GPR3: variants seen among roughly 807,000 people sequenced by gnomAD.
GPR3 encodes the protein G protein-coupled receptor 3.
A neutral mutation model predicts 18.2 loss-of-function variants in GPR3; 16 were observed. The observed-to-expected ratio is 0.88, with a 90% CI of 0.60 to 1.34. The LOEUF (loss-of-function observed/expected upper bound fraction) is 1.34, where lower values mean the gene tolerates loss of function less well. GPR3 is among the 40% of genes most tolerant of loss of function. GPR3 has a pLI of 0.00. For synonymous variants in GPR3, 183 were observed against 188.9 expected, an observed-to-expected ratio of 0.97 and a Z score of 0.26; for missense variants, 326 against 427.6, an observed-to-expected ratio of 0.76 and a Z score of 2.10.
intron 1 of GPR3, 106 bp from the exon 2 acceptor site, chr1:27,393,688 T>C: frequency 3.2e-6 from 3 of 948,648 alleles, no homozygotes; most frequent in Non-Finnish European, 4.8e-6. Flanking sequence ...TCAGGTATCC[T>C]GAGGAGAGAC....
rs1263561821 is a variant in GPR3, at chr1:27,394,612, G to A, written c.814G>A (p.Ala272Thr). The change falls in exon 2 of 2, where the codon GCC (alanine) becomes ACC (threonine). Residue 272 changes from alanine to threonine, a missense_variant. Coordinates refer to ENST00000374024, the MANE Select transcript of GPR3 (RefSeq NM_005281.4). ...CACTGTCTACTGCCTGCTGGGTGAT[G>A]CCCACTCTCCACCTCTCTACACCTA... ...PFTVYCLLGD[A>T]HSPPLYTYLT... 2 of 1,613,922 alleles carry A rather than the reference G, an allele frequency of 1.2e-6. No individual in the cohort carries two copies.
Position 27,395,459 on chromosome 1 carries a change from C to G in GPR3, c.*668C>G, listed in dbSNP as rs564018415. 3 of 167,248 alleles carry G rather than the reference C, an allele frequency of 1.8e-5. No homozygotes were observed. The highest frequency in any genetic ancestry group is 4.4e-5 in the Non-Finnish European group (3 of 68,132). The allele number at this position is 167,248 out of a possible 1,614,324, so 10.4% of individuals were successfully genotyped here. A position where few individuals can be genotyped will look rare whatever the true frequency, so the allele number is the denominator to read the frequency against. On this transcript the variant is annotated 3_prime_UTR_variant, in exon 2 of 2. Transcript: ENST00000374024. ...ACCAGAGCCTTCTCCCCAGGCCTGC[C>G]CTCCTCGGGTTTGGAAGGGGAACAC...
intron 1 of GPR3, among the ~76,000 whole-genome samples, chr1:27,393,172 C>A (rs531392856): frequency 7.0e-6 from 1 of 142,564 alleles, no homozygotes; most frequent in Non-Finnish European, 1.5e-5. Context: ...TGCCCAGAGA[C>A]CTAGAGATTC....
At chr1:27,393,442 C>A (rs78881500) in intron 1 of GPR3, among the ~76,000 whole-genome samples, 1 of 152,130 alleles carries the variant, frequency 6.6e-6, no homozygotes, top group African/African-American at 2.4e-5. Context: ...GTTTCCCTAC[C>A]CCAATCTTGA....
chr1:27,394,863 C>T lies in GPR3; in HGVS notation c.*72C>T, dbSNP rs968572542. On this transcript the variant is annotated 3_prime_UTR_variant, in exon 2 of 2. Coordinates refer to ENST00000374024, the MANE Select transcript of GPR3 (RefSeq NM_005281.4). ...ATGTTAGGCTCTCCAGGGCTTCTTT[C>T]CAAACCCCCAGCTCCACACCCCCCA... 6.6e-7 allele frequency: 1 copy of T among 1,515,166 alleles called. No individual in the cohort carries two copies. Among genetic ancestry groups the T allele is most frequent in the Non-Finnish European group, 9.0e-7 (1 of 1,110,666 alleles). The allele number at this position is 1,515,166 out of a possible 1,614,324, so 93.9% of individuals were successfully genotyped here. A position where few individuals can be genotyped will look rare whatever the true frequency, so the allele number is the denominator to read the frequency against.
Position 27,393,975 on chromosome 1 carries a change from G to A in GPR3, c.177G>A (p.Ala59=), listed in dbSNP as rs200625397. Residue 59 remains alanine (A), a synonymous_variant, in exon 2 of 2, where the codon GCG becomes GCA. Transcript: ENST00000374024. ...GCACCCTGGTGTCCTGCGAGAATGC[G>A]CTAGTGGTGGCCATCATCGTGGGCA... ...ISGTLVSCEN[A]LVVAIIVGTP... is the part of the protein sequence containing the mutation. The A allele has an allele frequency of 3.0e-5, 48 of 1,611,648 alleles. No individual in the cohort carries two copies. Among genetic ancestry groups the A allele is most frequent in the Middle Eastern group, 1.6e-4 (1 of 6,082 alleles).
rs143627824 is a variant in GPR3 at position 27,394,353 on chromosome 1, C to A, written c.555C>A (p.Gly185=). Residue 185 remains glycine (G), a synonymous_variant, in exon 2 of 2, where the codon GGC becomes GGA. Transcript: ENST00000374024. ...GCCTGGATGGCCTGACCACATGTGG[C>A]GTGGTTTATCCACTCTCCAAGAACC... ...WNCLDGLTTC[G]VVYPLSKNHL... 6.2e-7 allele frequency: 1 copy of A among 1,613,966 alleles called. No individual in the cohort carries two copies. Among genetic ancestry groups the A allele is most frequent in the South Asian group, 1.1e-5 (1 of 91,084 alleles).
chr1:27,393,849 C>A lies in GPR3; in HGVS notation c.51C>A (p.Gly17=), dbSNP rs11586015. Residue 17 remains glycine (G), a synonymous_variant, in exon 2 of 2, where the codon GGC becomes GGA. Coordinates refer to ENST00000374024, the MANE Select transcript of GPR3 (RefSeq NM_005281.4). Reference sequence around the variant, plus strand: ...TGGCCTGGCTCTCAGCTGGCTCAGGCAACGTGAATGTAAGCAGCGTGGGCC... The same window carrying A: ...TGGCCTGGCTCTCAGCTGGCTCAGGAAACGTGAATGTAAGCAGCGTGGGCC... ...SPLAWLSAGS[G]NVNVSSVGPA... The A allele has an allele frequency of 0.02, 31,432 of 1,579,590 alleles. 400 individuals are homozygous for A. Among genetic ancestry groups the A allele is most frequent in the Non-Finnish European group, 0.024 (27,640 of 1,159,322 alleles).
rs1266044841 is a variant in GPR3, at chr1:27,394,456, G to C, written c.658G>C (p.Val220Leu). The C allele has an allele frequency of 2.5e-6, 4 of 1,613,976 alleles. No homozygotes were observed. In the Admixed American group the frequency reaches 6.7e-5, roughly 27 times the overall value. ...GCTCTACGCCCAAATCTGCCGCATC[G>C]TCTGCCGCCATGCCCAGCAGATTGC... is the stretch of plus-strand genomic sequence containing the variant. Reference protein sequence around the residue: ...LQLYAQICRIVCRHAQQIALQ... With the variant: ...LQLYAQICRILCRHAQQIALQ... The change falls in exon 2 of 2, where the codon GTC (valine) becomes CTC (leucine). Residue 220 changes from valine (V) to leucine (L), a missense_variant. Coordinates refer to ENST00000374024, the MANE Select transcript of GPR3 (RefSeq NM_005281.4).
At chr1:27,393,077 A>G (rs1188321954) in intron 1 of GPR3, among the ~76,000 whole-genome samples, 1 of 152,060 alleles carries the variant, frequency 6.6e-6, no homozygotes, top group Non-Finnish European at 1.5e-5. Context: ...GTATCCAGGC[A>G]GGAGGCAGAG....
chr1:27,392,822 G>A (rs1280260703), intron 1 of GPR3, 85 bp downstream of exon 1: 1 of 152,406 alleles, frequency 6.6e-6, no homozygotes, highest in African/African-American at 2.4e-5. Context: ...AAGGCTCCTA[G>A]TGGCCGGCCG....
chr1:27,393,985 G>A lies in GPR3; in HGVS notation c.187G>A (p.Ala63Thr), dbSNP rs2016515355. 1.9e-6 allele frequency: 3 copies of A among 1,611,528 alleles called. No individual in the cohort carries two copies. The highest frequency in any genetic ancestry group is 1.3e-5 in the African/African-American group (1 of 74,916). Residue 63 changes from alanine (A) to threonine (T), a missense_variant, in exon 2 of 2, where the codon GCC becomes ACC. By Grantham distance (58) the Ala-to-Thr change is moderately conservative. Transcript: ENST00000374024. ...LVSCENALVV[A>T]IIVGTPAFRA... ...GTCCTGCGAGAATGCGCTAGTGGTGGCCATCATCGTGGGCACTCCTGCCTT... is the reference window on the plus strand; with the variant it reads ...GTCCTGCGAGAATGCGCTAGTGGTGACCATCATCGTGGGCACTCCTGCCTT...
chr1:27,393,159 G>T (rs1218104991), intron 1 of GPR3, among the ~76,000 whole-genome samples: 2 of 149,076 alleles, frequency 1.3e-5, no homozygotes, highest in South Asian at 4.2e-4. Context: ...CAGCAGGGGG[G>T]TCTGCCCAGA....
At position 27,393,881 on chromosome 1, in the gene GPR3, AG is replaced by A; in HGVS notation, c.87del (p.Thr31GlnfsTer30). On this transcript the variant is annotated frameshift_variant, in exon 2 of 2. Transcript: ENST00000374024. LOFTEE classifies it high-confidence loss of function. ...NVNVSSVGPA[E>X]GPTGPAAPLP... ...AATGTAAGCAGCGTGGGCCCAGCAG[AG>A]GGGCCCACAGGTCCAGCCGCACCAC... is the stretch of plus-strand genomic sequence containing the variant. The A allele has an allele frequency of 6.2e-7, 1 of 1,605,600 alleles. No homozygotes were observed. Among genetic ancestry groups the A allele is most frequent in the Non-Finnish European group, 8.5e-7 (1 of 1,175,250 alleles).
At chr1:27,393,699 T>C (rs1452378452) in intron 1 of GPR3, 95 bp from the exon 2 acceptor site, 4 of 1,039,066 alleles carry the variant, frequency 3.8e-6, no homozygotes, top group Non-Finnish European at 5.6e-6. Flanking sequence ...GAGGAGAGAC[T>C]CCCACCACGT....
Position 27,394,143 on chromosome 1 carries a change from G to A in GPR3, c.345G>A (p.Val115=). The change falls in exon 2 of 2, where the codon GTG becomes GTA. Residue 115 remains valine (V), a synonymous_variant. Transcript: ENST00000374024. ...SAEMSLVLVG[V]LAMAFTASIG... is the part of the protein sequence containing the mutation. ...AGATGAGCCTGGTGCTGGTTGGCGT[G>A]CTGGCAATGGCCTTTACCGCCAGCA... The A allele has an allele frequency of 6.2e-7, 1 of 1,613,438 alleles. No individual in the cohort carries two copies. Among genetic ancestry groups the A allele is most frequent in the South Asian group, 1.1e-5 (1 of 91,088 alleles).
chr1:27,394,792 C>T lies in GPR3; in HGVS notation c.*1C>T. ...ATCCCGCTCCCCCAGTGATGTCTAGCTGAGTCTTCATGACCCTTCAACCCT... is the reference window on the plus strand; with the variant it reads ...ATCCCGCTCCCCCAGTGATGTCTAGTTGAGTCTTCATGACCCTTCAACCCT... On this transcript the variant is annotated 3_prime_UTR_variant, in exon 2 of 2. Transcript: ENST00000374024. 6.2e-7 allele frequency: 1 copy of T among 1,612,398 alleles called. No individual in the cohort carries two copies. Among genetic ancestry groups the T allele is most frequent in the Non-Finnish European group, 8.5e-7 (1 of 1,179,024 alleles).
chr1:27,394,044 G>C lies in GPR3; in HGVS notation c.246G>C (p.Leu82=). The part of the protein sequence containing the change: ...RAPMFLLVGS[L]AVADLLAGLG... ...CCATGTTCCTGCTGGTGGGCAGCCT[G>C]GCCGTGGCAGACCTGCTGGCAGGCC... Residue 82 remains leucine (L), a synonymous_variant, in exon 2 of 2, where the codon CTG becomes CTC. Coordinates refer to ENST00000374024, the MANE Select transcript of GPR3 (RefSeq NM_005281.4). The C allele has an allele frequency of 6.2e-7, 1 of 1,611,200 alleles. No individual in the cohort carries two copies.
At position 27,394,673 on chromosome 1, in the gene GPR3, T is replaced by A. The variant is rs774213593; in HGVS notation, c.875T>A (p.Ile292Asn). The change falls in exon 2 of 2, where the codon ATC becomes AAC. Residue 292 changes from isoleucine (I) to asparagine (N), a missense_variant. Transcript: ENST00000374024. ...TLLPATYNSM[I>N]NPIIYAFRNQ... is the part of the protein sequence containing the mutation. ...CTCCCTGCCACCTACAACTCCATGA[T>A]CAACCCTATCATCTACGCCTTCCGC... is the stretch of plus-strand genomic sequence containing the variant. The A allele has an allele frequency of 1.1e-5, 18 of 1,614,080 alleles. No homozygotes were observed. Among genetic ancestry groups the A allele is most frequent in the Admixed American group, 6.7e-5 (4 of 60,006 alleles).
Sources: gnomAD v4.1 joint callset for allele counts (sites outside exome capture counted in the v4.1 genomes callset) on GRCh38, gnomAD v4.1.1 for gene constraint, MANE v1.5 for transcripts, NCBI Gene and HGNC (gene_info 2026-07-23, HGNC 2026-07-21) for gene names.